CADPS2: variants seen among roughly 807,000 people sequenced by gnomAD.
The protein encoded by CADPS2 is calcium-dependent secretion activator 2.
Under a neutral mutation model 172.5 loss-of-function variants are expected in CADPS2, and 93 were observed. The ratio of observed to expected loss-of-function variants is 0.54; its 90% confidence interval spans 0.46 to 0.64. The LOEUF is 0.64. Ranked by LOEUF, CADPS2 falls within the 30% of genes least tolerant of loss-of-function variation. The pLI is 0.00. For missense variants in CADPS2, 1,420 were observed against 1,565.9 expected, an observed-to-expected ratio of 0.91 and a Z score of 1.57; for synonymous variants, 546 against 555.2, an observed-to-expected ratio of 0.98 and a Z score of 0.23.
In CADPS2 at chr7:122,387,226, T is replaced by C. The variant is rs1447076910; in HGVS notation, c.3165-53A>G. ...AAGAAATTCTGCTATACAGCTCACC[T>C]GTTTTGTAAAAAGTGAAATCAACAC... On this transcript the variant is annotated intron_variant, in intron 23 of 29. Coordinates refer to ENST00000449022, the MANE Select transcript of CADPS2 (RefSeq NM_017954.11). 1.4e-5 allele frequency: 22 copies of C among 1,520,996 alleles called. 1 individual carries two copies. In the Admixed American group the frequency reaches 3.7e-4, roughly 25 times the overall value. The allele number at this position is 1,520,996 out of a possible 1,614,324, so 94.2% of individuals were successfully genotyped here.
chr7:122,525,933 G>A (rs950096471), intron 8 of CADPS2, among the ~76,000 whole-genome samples: 3 of 152,040 alleles, frequency 2.0e-5, no homozygotes, highest in Non-Finnish European at 2.9e-5. Context: ...CAGTAAAAAA[G>A]GTTATAATCT....
chr7:122,821,856 T>G (rs891292721), intron 1 of CADPS2, among the ~76,000 whole-genome samples: 1 of 152,132 alleles, frequency 6.6e-6, no homozygotes. Flanking sequence ...CTTCTCAGAA[T>G]TCAGGCCTGT....
At chr7:122,836,032 A>G (rs990590392) in intron 1 of CADPS2, among the ~76,000 whole-genome samples, 7 of 152,240 alleles carry the variant, frequency 4.6e-5, no homozygotes, top group Non-Finnish European at 7.3e-5. Flanking sequence ...CCAGAGAGAA[A>G]GGTCGGGTTA....
intron 15 of CADPS2, among the ~76,000 whole-genome samples, chr7:122,446,996 C>A (rs2052312942): frequency 6.7e-6 from 1 of 149,060 alleles, no homozygotes; most frequent in Non-Finnish European, 1.5e-5. Flanking sequence ...AAATATAATC[C>A]CCTGCTGCTC....
At chr7:122,424,362 G>A (rs1400834590) in intron 17 of CADPS2, 2 of 983,602 alleles carry the variant, frequency 2.0e-6, no homozygotes, top group Non-Finnish European at 1.2e-6. Context: ...TTCATTGTAA[G>A]CCTATGGCCA....
intron 1 of CADPS2, among the ~76,000 whole-genome samples, chr7:122,819,116 C>T (rs1302469051): frequency 6.6e-6 from 1 of 152,186 alleles, no homozygotes; most frequent in East Asian, 1.9e-4. Flanking sequence ...ACATCTCCAG[C>T]ACACAAGAAC....
At chr7:122,665,918 G>A (rs929542080) in intron 2 of CADPS2, among the ~76,000 whole-genome samples, 2 of 152,250 alleles carry the variant, frequency 1.3e-5, no homozygotes, top group East Asian at 3.9e-4. Flanking sequence ...TATATGCATA[G>A]TGCTTTAAAT....
At chr7:122,813,497 T>C (rs1201104950) in intron 1 of CADPS2, among the ~76,000 whole-genome samples, 1 of 152,124 alleles carries the variant, frequency 6.6e-6, no homozygotes, top group Non-Finnish European at 1.5e-5. Flanking sequence ...TTTATAGTTC[T>C]CTAGTCAAAA....
At chr7:122,407,242 A>C (rs2046760279) in intron 20 of CADPS2, among the ~76,000 whole-genome samples, 1 of 152,192 alleles carries the variant, frequency 6.6e-6, no homozygotes, top group Non-Finnish European at 1.5e-5. Context: ...CCAGCCTTTG[A>C]AGATTTTCAG....
At chr7:122,632,714 T>C (rs2076694215) in intron 3 of CADPS2, among the ~76,000 whole-genome samples, 1 of 152,262 alleles carries the variant, frequency 6.6e-6, no homozygotes, top group Admixed American at 6.5e-5. Context: ...GTCCCACTTG[T>C]CAATTTTTGT....
intron 2 of CADPS2, among the ~76,000 whole-genome samples, chr7:122,725,491 C>T (rs2090990322): frequency 1.3e-5 from 2 of 151,160 alleles, no homozygotes; most frequent in South Asian, 4.2e-4. Context: ...TTTAGTGTAC[C>T]CATCACCCAA....
chr7:122,571,957 T>A (rs796814158), intron 7 of CADPS2, among the ~76,000 whole-genome samples: 65 of 152,268 alleles, frequency 4.3e-4, no homozygotes, highest in African/African-American at 1.5e-3. Flanking sequence ...TACAAAAAAA[T>A]TAATAATCAC....
At chr7:122,853,601 G>T (rs1156320599) in intron 1 of CADPS2, among the ~76,000 whole-genome samples, 1 of 152,116 alleles carries the variant, frequency 6.6e-6, no homozygotes, top group African/African-American at 2.4e-5. Context: ...TGAACCACTT[G>T]GTGATGTTTT....
At chr7:122,834,182 TG>T (rs1313798934) in intron 1 of CADPS2, among the ~76,000 whole-genome samples, 1 of 152,130 alleles carries the variant, frequency 6.6e-6, no homozygotes, top group East Asian at 1.9e-4. Flanking sequence ...GAAGGTAATA[TG>T]GTAGAAAGTA....
chr7:122,569,034 A>T (rs2066839596), intron 7 of CADPS2, among the ~76,000 whole-genome samples: 1 of 152,154 alleles, frequency 6.6e-6, no homozygotes, highest in Non-Finnish European at 1.5e-5. Flanking sequence ...TGGCCAGGGC[A>T]ATTAGGCAGG....
At chr7:122,517,137 A>G (rs1379731502) in intron 8 of CADPS2, among the ~76,000 whole-genome samples, 1 of 152,118 alleles carries the variant, frequency 6.6e-6, no homozygotes, top group African/African-American at 2.4e-5. Context: ...ATATAATTGG[A>G]ATTATTCAGT....
chr7:122,617,128 A>G (rs761195201), intron 5 of CADPS2, among the ~76,000 whole-genome samples: 1 of 152,140 alleles, frequency 6.6e-6, no homozygotes, highest in Non-Finnish European at 1.5e-5. Flanking sequence ...TATTTCTGTC[A>G]CCTCTACTAT....
chr7:122,574,835 G>A (rs1465519147), intron 7 of CADPS2, among the ~76,000 whole-genome samples: 1 of 152,050 alleles, frequency 6.6e-6, no homozygotes, highest in Non-Finnish European at 1.5e-5. Flanking sequence ...TGAGTGAAAG[G>A]TGGTTAGAGA....
intron 6 of CADPS2, among the ~76,000 whole-genome samples, chr7:122,589,520 C>T (rs1048770473): frequency 6.6e-6 from 1 of 151,788 alleles, no homozygotes; most frequent in African/African-American, 2.4e-5. Flanking sequence ...CAACACAGGG[C>T]CCAAGTATAT....
Sources: allele counts gnomAD v4.1 joint callset (sites outside exome capture counted in the v4.1 genomes callset), GRCh38; gene constraint gnomAD v4.1.1; transcripts MANE v1.5; gene names NCBI Gene and HGNC (gene_info 2026-07-23, HGNC 2026-07-21).